GABRG3: variants seen among roughly 807,000 people sequenced by gnomAD.
The protein encoded by GABRG3 is gamma-aminobutyric acid receptor subunit gamma-3.
Under a neutral mutation model 48.8 loss-of-function variants are expected in GABRG3, and 25 were observed. The ratio of observed to expected loss-of-function variants is 0.51; its 90% CI spans 0.37 to 0.72. The LOEUF is 0.72. Among genes scored for constraint, GABRG3 ranks in the 30% least tolerant of loss-of-function variants. The probability of loss-of-function intolerance (pLI) is 0.00; values close to 1 mark genes in which losing one functional copy is unlikely to be tolerated. For missense variants in GABRG3, 394 were observed against 577.9 expected (o/e 0.68, Z 3.26); for synonymous variants, 227 against 217.6 (o/e 1.04, Z -0.38).
intron 3 of GABRG3, among the ~76,000 whole-genome samples, chr15:27,173,705 CAAA>C (rs199674664): frequency 8.2e-5 from 6 of 73,340 alleles, no homozygotes; most frequent in Admixed American, 1.6e-4. Flanking sequence ...CTATCGCTGC[CAAA>C]AAAAAAAAAA....
rs1891613113 is a variant in GABRG3 at position 27,539,190 on chromosome 15, G to A, written c.*6309G>A. On this transcript the variant is annotated 3_prime_UTR_variant, in exon 10 of 10. Coordinates refer to ENST00000615808, the MANE Select transcript of GABRG3 (RefSeq NM_033223.5). ...GAAGTTCATTACGGCAAGGCAGTGG[G>A]AAGGTGCCAGCATCCCCTTTCCACC... is the stretch of plus-strand genomic sequence containing the variant. The A allele has an allele frequency of 6.6e-6, 1 of 152,202 alleles. No individual in the cohort carries two copies. Among genetic ancestry groups the A allele is most frequent in the Non-Finnish European group, 1.5e-5 (1 of 68,054 alleles). 9.4% of individuals were successfully genotyped at this position (152,202 alleles called of 1,614,324 possible).
At chr15:27,035,647 C>T (rs1159659693) in intron 3 of GABRG3, among the ~76,000 whole-genome samples, 1 of 152,180 alleles carries the variant, frequency 6.6e-6, no homozygotes, top group Non-Finnish European at 1.5e-5. Context: ...CTGCAAGCCC[C>T]CGCACAGGCC....
At chr15:27,380,817 G>A (rs533207807) in intron 5 of GABRG3, among the ~76,000 whole-genome samples, 2 of 147,242 alleles carry the variant, frequency 1.4e-5, no homozygotes, top group African/African-American at 5.0e-5. Flanking sequence ...CCAGGCTGGA[G>A]TGCAGTGGCG....
chr15:27,456,776 G>A (rs976514857), intron 5 of GABRG3, among the ~76,000 whole-genome samples: 2 of 152,148 alleles, frequency 1.3e-5, no homozygotes, highest in Non-Finnish European at 2.9e-5. Flanking sequence ...CTGGAAGAGA[G>A]CCTGCTCCTT....
intron 5 of GABRG3, among the ~76,000 whole-genome samples, chr15:27,387,991 TAAGGAAGG>T (rs200059693): frequency 4.9e-5 from 1 of 20,596 alleles, no homozygotes; most frequent in African/African-American, 2.2e-4. Context: ...GGAGGGAGGG[TAAGGAAGG>T]AAGGAAGGAA....
At chr15:27,367,582 A>G (rs1224428405) in intron 5 of GABRG3, among the ~76,000 whole-genome samples, 3 of 152,194 alleles carry the variant, frequency 2.0e-5, no homozygotes, top group Non-Finnish European at 4.4e-5. Context: ...GAGAGAGACT[A>G]TTTCAGGATT....
intron 3 of GABRG3, among the ~76,000 whole-genome samples, chr15:27,122,588 C>T (rs1897750233): frequency 6.6e-6 from 1 of 152,156 alleles, no homozygotes; most frequent in Non-Finnish European, 1.5e-5. Context: ...GAGAGAAAAG[C>T]AATGCAACAT....
rs140481363 is a variant in GABRG3 at position 27,382,396 on chromosome 15, A to G, written c.574+53508A>G. Among the ~76,000 whole-genome samples, 5 of 152,320 alleles carry G rather than the reference A, an allele frequency of 3.3e-5. No individual in the cohort carries two copies. The East Asian group carries it at 9.6e-4, about 29-fold the overall frequency. On this transcript the variant is annotated intron_variant, in intron 5 of 9. Coordinates refer to ENST00000615808, the MANE Select transcript of GABRG3 (RefSeq NM_033223.5). ...TCTTTGAAATAGGGCAGTGACAGCT[A>G]AGTTAATTAAGTGACAAGAGCCTTC...
intron 5 of GABRG3, among the ~76,000 whole-genome samples, chr15:27,360,975 G>A (rs1208371802): frequency 1.3e-5 from 2 of 152,176 alleles, no homozygotes; most frequent in Non-Finnish European, 2.9e-5. Context: ...TGACTGACTG[G>A]AGGCCTTAGT....
At chr15:27,197,824 G>C (rs1330369678) in intron 3 of GABRG3, among the ~76,000 whole-genome samples, 1 of 151,800 alleles carries the variant, frequency 6.6e-6, no homozygotes, top group African/African-American at 2.4e-5. Flanking sequence ...ACTTCTTCCT[G>C]GTTTAGTCTT....
intron 3 of GABRG3, chr15:27,294,780 C>G (rs1262563855): frequency 1.3e-5 from 2 of 152,178 alleles, no homozygotes; most frequent in African/African-American, 4.8e-5. Context: ...TCAGTGACCC[C>G]TCTCACTTCT....
intron 5 of GABRG3, among the ~76,000 whole-genome samples, chr15:27,436,294 T>G (rs4262903): frequency 0.31 from 46,882 of 151,892 alleles, 9,907 homozygotes; most frequent in African/African-American, 0.59. Context: ...ATCCCACTTG[T>G]GGGGGGAAGG....
intron 5 of GABRG3, among the ~76,000 whole-genome samples, chr15:27,448,783 ACATGTGTG>A (rs1304885901): frequency 1.3e-5 from 2 of 152,198 alleles, no homozygotes; most frequent in Admixed American, 6.5e-5. Flanking sequence ...CCATGCCTGT[ACATGTGTG>A]CATGTGTGCA....
chr15:27,216,342 A>C (rs1889245620), intron 3 of GABRG3, among the ~76,000 whole-genome samples: 1 of 152,224 alleles, frequency 6.6e-6, no homozygotes, highest in Admixed American at 6.5e-5. Flanking sequence ...GGTAACCCTT[A>C]GAGACAGTGA....
intron 3 of GABRG3, among the ~76,000 whole-genome samples, chr15:27,127,853 A>G (rs899089775): frequency 6.6e-5 from 10 of 152,326 alleles, no homozygotes; most frequent in East Asian, 5.8e-4. Flanking sequence ...AGTCGGCAGT[A>G]AGAATAGAGA....
At chr15:27,029,707 G>C (rs1171837638) in intron 3 of GABRG3, among the ~76,000 whole-genome samples, 2 of 152,218 alleles carry the variant, frequency 1.3e-5, no homozygotes, top group East Asian at 3.9e-4. Context: ...CTGCTTTGGT[G>C]GGGCAAGTCT....
intron 2 of GABRG3, among the ~76,000 whole-genome samples, chr15:26,993,645 C>T (rs997652681): frequency 2.6e-5 from 4 of 151,768 alleles, no homozygotes; most frequent in Non-Finnish European, 2.9e-5. Flanking sequence ...GAGTATGATC[C>T]ATGTGTTGAG....
rs925806758 is a variant in GABRG3 at position 27,540,408 on chromosome 15, A to C, written c.*7527A>C. On this transcript the variant is annotated 3_prime_UTR_variant, in exon 10 of 10. Coordinates refer to ENST00000615808, the MANE Select transcript of GABRG3 (RefSeq NM_033223.5). Reference sequence around the variant, plus strand: ...GCAAATTTTGTGAGCTCAAAAAGACAATCACTGTGCTTCTTATCATCTAAT... The same window carrying C: ...GCAAATTTTGTGAGCTCAAAAAGACCATCACTGTGCTTCTTATCATCTAAT... 6.6e-6 allele frequency: 1 copy of C among 152,232 alleles called. No homozygotes were observed. Among genetic ancestry groups the C allele is most frequent in the Admixed American group, 6.5e-5 (1 of 15,288 alleles). The allele number at this position is 152,232 out of a possible 1,614,324, so 9.4% of individuals were successfully genotyped here. A position where few individuals can be genotyped will look rare whatever the true frequency, so the allele number is the denominator to read the frequency against.
intron 2 of GABRG3, among the ~76,000 whole-genome samples, chr15:27,018,124 C>A (rs1391668859): frequency 2.6e-5 from 4 of 152,194 alleles, no homozygotes; most frequent in African/African-American, 9.7e-5. Flanking sequence ...GGAAAGAGAA[C>A]TTACTTCAAA....
Sources: gnomAD v4.1 joint callset for allele counts (sites outside exome capture counted in the v4.1 genomes callset) on GRCh38, gnomAD v4.1.1 for gene constraint, MANE v1.5 for transcripts, NCBI Gene and HGNC (gene_info 2026-07-23, HGNC 2026-07-21) for gene names.